MAML2: variants seen among roughly 807,000 people sequenced by gnomAD.
MAML2 encodes the protein mastermind-like protein 2.
A neutral mutation model predicts 96.1 loss-of-function variants in MAML2; 22 were observed. The observed-to-expected ratio is 0.23, with a 90% CI of 0.16 to 0.33. MAML2 has a LOEUF of 0.33. Among genes scored for constraint, MAML2 ranks in the 10% least tolerant of loss-of-function variants. The probability of loss-of-function intolerance (pLI) is 1.00; values close to 1 mark genes in which losing one functional copy is unlikely to be tolerated. For synonymous variants in MAML2, 561 were observed against 521.3 expected (o/e 1.08, Z -1.04); for missense variants, 1,367 against 1,392.4 (o/e 0.98, Z 0.29).
chr11:96,081,606 C>G (rs977699430), intron 2 of MAML2, among the ~76,000 whole-genome samples: 1 of 152,180 alleles, frequency 6.6e-6, no homozygotes, highest in Admixed American at 6.5e-5. Context: ...TTGAAAATCA[C>G]CCATTGCAAG....
rs1003926362 is a variant in MAML2, at chr11:96,342,370, T to G, written c.-475A>C. 5.0e-6 allele frequency: 2 copies of G among 399,850 alleles called. No homozygotes were observed. Among genetic ancestry groups the G allele is most frequent in the Non-Finnish European group, 8.8e-6 (2 of 227,000 alleles). The allele number at this position is 399,850 out of a possible 1,614,324, so 24.8% of individuals were successfully genotyped here. ...CTCACCTAGTTGTTTCCGACAATTCTTTATGGGGATGTTTCTGCAGAGAAA... is the reference window on the plus strand; with the variant it reads ...CTCACCTAGTTGTTTCCGACAATTCGTTATGGGGATGTTTCTGCAGAGAAA... On this transcript the variant is annotated 5_prime_UTR_variant, in exon 1 of 5. Transcript: ENST00000524717.
chr11:96,044,780 T>C (rs1009695691), intron 2 of MAML2, among the ~76,000 whole-genome samples: 1 of 152,234 alleles, frequency 6.6e-6, no homozygotes, highest in Non-Finnish European at 1.5e-5. Flanking sequence ...CTGTCTCACC[T>C]ATTTGGAAAT....
chr11:96,174,502 G>C (rs1861351719), intron 1 of MAML2, among the ~76,000 whole-genome samples: 1 of 152,204 alleles, frequency 6.6e-6, no homozygotes, highest in South Asian at 2.1e-4. Flanking sequence ...TCCTGCCTCA[G>C]CCTCCTGAGT....
chr11:96,052,649 C>T (rs1859005821), intron 2 of MAML2, among the ~76,000 whole-genome samples: 2 of 152,150 alleles, frequency 1.3e-5, no homozygotes, highest in Admixed American at 1.3e-4. Context: ...CATTGATGCC[C>T]TGTGTCAATG....
chr11:95,976,751 A>C lies in MAML2; in HGVS notation c.*2197T>G. The C allele has an allele frequency of 5.5e-6, 1 of 183,212 alleles. No homozygotes were observed. Among genetic ancestry groups the C allele is most frequent in the Non-Finnish European group, 1.2e-5 (1 of 86,120 alleles). 11.3% of individuals were successfully genotyped at this position (183,212 alleles called of 1,614,324 possible). A position where few individuals can be genotyped will look rare whatever the true frequency, so the allele number is the denominator to read the frequency against. On this transcript the variant is annotated 3_prime_UTR_variant, in exon 5 of 5. Coordinates refer to ENST00000524717, the MANE Select transcript of MAML2 (RefSeq NM_032427.4). Reference sequence around the variant, plus strand: ...AAAACATACTATTTATGTTAGGGTAAAAATAAGCTGACTCACAGGAGTGTA... The same window carrying C: ...AAAACATACTATTTATGTTAGGGTACAAATAAGCTGACTCACAGGAGTGTA...
chr11:96,069,483 G>A (rs973155438), intron 2 of MAML2, among the ~76,000 whole-genome samples: 2 of 151,982 alleles, frequency 1.3e-5, no homozygotes, highest in African/African-American at 4.8e-5. Context: ...AGACCAGCCT[G>A]GGCAACATGG....
At chr11:96,121,449 C>T (rs1362519410) in intron 1 of MAML2, among the ~76,000 whole-genome samples, 1 of 152,132 alleles carries the variant, frequency 6.6e-6, no homozygotes, top group Non-Finnish European at 1.5e-5. Flanking sequence ...ATTATTAGCA[C>T]ATGGCAAAAA....
intron 2 of MAML2, among the ~76,000 whole-genome samples, chr11:96,002,782 T>C (rs1365146746): frequency 3.9e-5 from 5 of 127,798 alleles, no homozygotes; most frequent in African/African-American, 1.5e-4. Context: ...ATGAGGATGA[T>C]GAGGATGATG....
intron 1 of MAML2, among the ~76,000 whole-genome samples, chr11:96,317,750 A>C (rs1863650626): frequency 6.6e-6 from 1 of 152,216 alleles, no homozygotes; most frequent in Non-Finnish European, 1.5e-5. Context: ...GCTGCTTCCT[A>C]GCTCAGGTGC....
Position 95,979,465 on chromosome 11 carries a change from C to A in MAML2, c.2954G>T (p.Arg985Leu). 6.2e-7 allele frequency: 1 copy of A among 1,613,406 alleles called. No homozygotes were observed. Among genetic ancestry groups the A allele is most frequent in the Non-Finnish European group, 8.5e-7 (1 of 1,179,668 alleles). The change falls in exon 5 of 5, where the codon CGC (arginine) becomes CTC (leucine). Residue 985 changes from arginine (R) to leucine (L), a missense_variant. By Grantham distance (102) the Arg-to-Leu change is moderately radical (BLOSUM62 -2). Coordinates refer to ENST00000524717, the MANE Select transcript of MAML2 (RefSeq NM_032427.4). ...GGCTGCAGGTGTACCTGTGGGGAAG[C>A]GGACTCCTGCAGACGTCAGGGCTTC... Reference protein sequence around the residue: ...QQEALTSAGVRFPTGTPAAYT... With the variant: ...QQEALTSAGVLFPTGTPAAYT...
chr11:96,272,279 A>C (rs966563324), intron 1 of MAML2, among the ~76,000 whole-genome samples: 1 of 152,210 alleles, frequency 6.6e-6, no homozygotes, highest in African/African-American at 2.4e-5. Flanking sequence ...GGCATATAGT[A>C]GGACTCAATA....
chr11:96,030,546 G>GA (rs1173693612), intron 2 of MAML2, among the ~76,000 whole-genome samples: 3 of 152,072 alleles, frequency 2.0e-5, no homozygotes, highest in South Asian at 4.1e-4. Flanking sequence ...CATCCAAATG[G>GA]AAAAAACAAT....
intron 1 of MAML2, among the ~76,000 whole-genome samples, chr11:96,273,169 A>G (rs1227131806): frequency 6.6e-6 from 1 of 152,216 alleles, no homozygotes; most frequent in East Asian, 1.9e-4. Flanking sequence ...AGTTGCATTG[A>G]AAGTAAGGTA....
Position 96,092,486 on chromosome 11 carries a change from G to A in MAML2, c.1545C>T (p.Tyr515=). Residue 515 remains tyrosine, a synonymous_variant, in exon 2 of 5, where the codon TAC becomes TAT. Transcript: ENST00000524717. This position sits in a 1 kb window ranked among gnomAD's most constrained non-coding sequence, Gnocchi z 4.1. ...CACCCTGGGCTGAGGGGCCGGCCTT[G>A]TACATGTAGTTAGCCATTACTTTCG... ...GQSKVMANYM[Y]KAGPSAQGGH... 6.2e-7 allele frequency: 1 copy of A among 1,605,556 alleles called. No homozygotes were observed. Among genetic ancestry groups the A allele is most frequent in the African/African-American group, 1.3e-5 (1 of 74,754 alleles).
intron 1 of MAML2, among the ~76,000 whole-genome samples, chr11:96,147,633 A>G (rs578192813): frequency 8.5e-5 from 13 of 152,398 alleles, no homozygotes; most frequent in African/African-American, 1.7e-4. Flanking sequence ...AGAAACAAAG[A>G]CAATTTAACT....
intron 1 of MAML2, among the ~76,000 whole-genome samples, chr11:96,179,647 A>C (rs961970207): frequency 2.0e-5 from 3 of 152,202 alleles, no homozygotes; most frequent in African/African-American, 7.2e-5. Context: ...AAAAATAAAA[A>C]ACAAAAAGCC....
At chr11:96,086,624 C>T (rs1276845144) in intron 2 of MAML2, among the ~76,000 whole-genome samples, 2 of 152,180 alleles carry the variant, frequency 1.3e-5, no homozygotes, top group East Asian at 1.9e-4. Flanking sequence ...AAATTTTACA[C>T]TTCCATTACT....
chr11:96,318,231 G>T (rs1263401083), intron 1 of MAML2, among the ~76,000 whole-genome samples: 1 of 152,184 alleles, frequency 6.6e-6, no homozygotes, highest in Non-Finnish European at 1.5e-5. Context: ...TCCAAGAAAG[G>T]TGCCACTATT....
intron 2 of MAML2, among the ~76,000 whole-genome samples, chr11:96,058,496 T>A (rs2135775695): frequency 6.6e-6 from 1 of 152,220 alleles, no homozygotes; most frequent in East Asian, 1.9e-4. Context: ...ATTTTTGTAT[T>A]TTTAGTAGAG....
Sources: gnomAD v4.1 joint callset for allele counts (sites outside exome capture counted in the v4.1 genomes callset) on GRCh38, gnomAD v4.1.1 for gene constraint, Gnocchi (gnomAD v3.1) non-coding constraint, MANE v1.5 for transcripts, NCBI Gene and HGNC (gene_info 2026-07-23, HGNC 2026-07-21) for gene names.